The following EPB41L5 variants were observed in gnomAD, a reference collection of about 807,000 sequenced individuals.
EPB41L5 encodes band 4.1-like protein 5.
A neutral mutation model predicts 106.6 loss-of-function variants in EPB41L5; 55 were observed. The ratio of observed to expected loss-of-function variants is 0.52; its 90% confidence interval spans 0.42 to 0.65. The LOEUF is 0.65. Among genes scored for constraint, EPB41L5 ranks in the 30% least tolerant of loss-of-function variants. The pLI, the probability that EPB41L5 is intolerant of heterozygous loss-of-function variation, is 0.00. For missense variants in EPB41L5, 871 were observed against 882.1 expected, an observed-to-expected ratio of 0.99 and a Z score of 0.16; for synonymous variants, 297 against 306.7, an observed-to-expected ratio of 0.97 and a Z score of 0.33.
chr2:120,040,485 G>C (rs1279763593), intron 2 of EPB41L5, among the ~76,000 whole-genome samples: 1 of 152,158 alleles, frequency 6.6e-6, no homozygotes. Context: ...GTGAGGGCAT[G>C]ATTAAAATAT....
intron 3 of EPB41L5, among the ~76,000 whole-genome samples, chr2:120,054,806 G>A (rs534357094): frequency 6.6e-6 from 1 of 151,320 alleles, no homozygotes; most frequent in South Asian, 2.1e-4. Context: ...ATAGACTATA[G>A]ATATGTGGGT....
At chr2:120,173,107 A>G (rs1369033215) in intron 24 of EPB41L5, among the ~76,000 whole-genome samples, 1 of 152,236 alleles carries the variant, frequency 6.6e-6, no homozygotes, top group East Asian at 1.9e-4. Flanking sequence ...CGACAACAAA[A>G]AAATGAGGCA....
chr2:120,033,892 G>A (rs1332571633), intron 2 of EPB41L5, among the ~76,000 whole-genome samples: 3 of 151,842 alleles, frequency 2.0e-5, no homozygotes, highest in African/African-American at 2.4e-5. Flanking sequence ...CCAGGAGTTT[G>A]AGACCAGTCT....
chr2:120,091,785 C>A, intron 13 of EPB41L5, 124 bp downstream of exon 13: 2 of 689,856 alleles, frequency 2.9e-6, no homozygotes, highest in Non-Finnish European at 4.9e-6. Flanking sequence ...AACTAAAGTA[C>A]TTTTCTGGCA....
At chr2:120,079,732 C>T (rs1682511415) in intron 10 of EPB41L5, among the ~76,000 whole-genome samples, 1 of 152,212 alleles carries the variant, frequency 6.6e-6, no homozygotes, top group African/African-American at 2.4e-5. Flanking sequence ...ATACCCCACA[C>T]ATCCCTTTAA....
In EPB41L5 at chr2:120,019,240, T is replaced by C. The variant is rs1358283875; in HGVS notation, c.156T>C (p.Gly52=). ...CGTGTCGGGTGTCCCTTCTGGATGG[T>C]ACTGATGTTAGTGTGGACTTGCCAG... ...IITCRVSLLD[G]TDVSVDLPKK... Residue 52 remains glycine, a synonymous_variant, in exon 2 of 25, where the codon GGT becomes GGC. Transcript: ENST00000263713. 7 of 1,611,812 alleles carry C rather than the reference T, an allele frequency of 4.3e-6. No individual in the cohort carries two copies. The highest frequency in any genetic ancestry group is 5.9e-6 in the Non-Finnish European group (7 of 1,179,514).
At chr2:120,045,814 C>A (rs530850221) in intron 3 of EPB41L5, among the ~76,000 whole-genome samples, 3 of 151,544 alleles carry the variant, frequency 2.0e-5, no homozygotes, top group Admixed American at 6.6e-5. Flanking sequence ...ATCCCTCCCC[C>A]GTCCCCCCCT....
intron 18 of EPB41L5, among the ~76,000 whole-genome samples, chr2:120,136,951 T>C (rs555952603): frequency 3.3e-5 from 5 of 152,154 alleles, no homozygotes; most frequent in African/African-American, 1.2e-4. Context: ...CACAGATTAT[T>C]CTCAAGGATA....
At chr2:120,133,766 A>C (rs551197681) in intron 18 of EPB41L5, among the ~76,000 whole-genome samples, 6 of 152,124 alleles carry the variant, frequency 3.9e-5, no homozygotes, top group Non-Finnish European at 8.8e-5. Context: ...ACCTAGAGAG[A>C]TACTAGCTGG....
Position 120,100,237 on chromosome 2 carries a change from A to T in EPB41L5, c.1179-7A>T, listed in dbSNP as rs369759413. On this transcript the variant is annotated splice_polypyrimidine_tract_variant and splice_region_variant and intron_variant, in intron 14 of 24. Coordinates refer to ENST00000263713, the MANE Select transcript of EPB41L5 (RefSeq NM_020909.4). ...GGTTTTTAATTGATTTTTTTTTCCC[A>T]TTACAGTGTTCACAATAATGTTTCG... 4 of 1,612,188 alleles carry T rather than the reference A, an allele frequency of 2.5e-6. No homozygotes were observed. Among genetic ancestry groups the T allele is most frequent in the Non-Finnish European group, 3.4e-6 (4 of 1,178,944 alleles).
chr2:120,036,402 T>G (rs1679040472), intron 2 of EPB41L5, among the ~76,000 whole-genome samples: 1 of 152,186 alleles, frequency 6.6e-6, no homozygotes, highest in Non-Finnish European at 1.5e-5. Context: ...GGTTTCTCAG[T>G]GCTAAATGTT....
chr2:120,131,755 C>A, intron 18 of EPB41L5, 40 bp downstream of exon 18: 1 of 1,353,650 alleles, frequency 7.4e-7, no homozygotes, highest in Non-Finnish European at 1.1e-6. Flanking sequence ...TACACATCTC[C>A]AGAGCTCCCA....
intron 2 of EPB41L5, among the ~76,000 whole-genome samples, chr2:120,024,030 A>C (rs1402147754): frequency 1.3e-5 from 2 of 152,182 alleles, no homozygotes; most frequent in East Asian, 3.8e-4. Flanking sequence ...TTGATTTTGT[A>C]TCCTGAGACT....
At chr2:120,083,096 C>T (rs540366943) in intron 10 of EPB41L5, among the ~76,000 whole-genome samples, 1 of 152,250 alleles carries the variant, frequency 6.6e-6, no homozygotes, top group Admixed American at 6.5e-5. Context: ...TTTTGTGTCT[C>T]TATCTCCTTC....
In EPB41L5 at chr2:120,027,605, A is replaced by G. The variant is rs190972153; in HGVS notation, c.180+8341A>G. Among the ~76,000 whole-genome samples, 4 of 152,208 alleles carry G rather than the reference A, an allele frequency of 2.6e-5. No individual in the cohort carries two copies. The East Asian group carries it at 7.7e-4, about 29-fold the overall frequency. On this transcript the variant is annotated intron_variant, in intron 2 of 24. Coordinates refer to ENST00000263713, the MANE Select transcript of EPB41L5 (RefSeq NM_020909.4). ...TTTTTTTTAGGGATGGTGTCTTGCT[A>G]CGTTGTCCAGGCTGGATTTGAACTC... is the stretch of plus-strand genomic sequence containing the variant.
chr2:120,159,593 C>T (rs1687059152), intron 20 of EPB41L5, among the ~76,000 whole-genome samples: 1 of 152,046 alleles, frequency 6.6e-6, no homozygotes, highest in South Asian at 2.1e-4. Context: ...CCCAAATAGC[C>T]AAGGCAATCC....
intron 20 of EPB41L5, 107 bp from the exon 21 acceptor site, chr2:120,160,773 CT>C: frequency 1.4e-6 from 1 of 714,874 alleles, no homozygotes; most frequent in Non-Finnish European, 2.4e-6. Context: ...TTTCATATAC[CT>C]TCCCCTACAT....
In EPB41L5 at chr2:120,063,806, G is replaced by A. The variant is rs138050287; in HGVS notation, c.286-9372G>A. On this transcript the variant is annotated intron_variant, in intron 3 of 24. Transcript: ENST00000263713. Reference sequence around the variant, plus strand: ...AAATAATAAAAATTAGCCGGGCGTGGTGGCGGGCGCCTGTAATCCCAGCTA... The same window carrying A: ...AAATAATAAAAATTAGCCGGGCGTGATGGCGGGCGCCTGTAATCCCAGCTA... Among the ~76,000 whole-genome samples the A allele has an allele frequency of 6.9e-3, 1,046 of 152,280 alleles. 8 individuals carry two copies. The highest frequency in any genetic ancestry group is 0.024 in the African/African-American group (1,005 of 41,564).
intron 2 of EPB41L5, among the ~76,000 whole-genome samples, chr2:120,033,708 CAAAAA>C (rs3084761): frequency 1.1e-4 from 11 of 97,352 alleles, no homozygotes; most frequent in Admixed American, 2.2e-4. Flanking sequence ...AACTCCATCT[CAAAAA>C]AAAAAAAAAA....
Sources: allele counts gnomAD v4.1 joint callset (sites outside exome capture counted in the v4.1 genomes callset), GRCh38; gene constraint gnomAD v4.1.1; transcripts MANE v1.5; gene names NCBI Gene and HGNC (gene_info 2026-07-23, HGNC 2026-07-21).